Variants in ZNF385D observed in about 807,000 individuals in gnomAD.
ZNF385D encodes zinc finger protein 659.
Under a neutral mutation model 35.8 loss-of-function variants are expected in ZNF385D, and 15 were observed. That is an observed-to-expected ratio of 0.42 (90% CI 0.28 to 0.64). ZNF385D has a LOEUF of 0.64. Among genes scored for constraint, ZNF385D ranks in the 30% least tolerant of loss-of-function variants. ZNF385D has a pLI of 0.23. For synonymous variants in ZNF385D, 212 were observed against 186.8 expected (o/e 1.13, Z -1.10); for missense variants, 474 against 494.6 (o/e 0.96, Z 0.39).
At chr3:22,247,931 G>A (rs1398202691) in intron 2 of ZNF385D, among the ~76,000 whole-genome samples, 1 of 152,036 alleles carries the variant, frequency 6.6e-6, no homozygotes, top group East Asian at 1.9e-4. Context: ...AGTTTGCAAG[G>A]CAGATTTCCA....
At chr3:21,435,783 T>C (rs1457666871) in intron 5 of ZNF385D, among the ~76,000 whole-genome samples, 3 of 152,208 alleles carry the variant, frequency 2.0e-5, no homozygotes, top group African/African-American at 7.2e-5. Flanking sequence ...CTGCAAGGTA[T>C]AGATTCTACC....
intron 3 of ZNF385D, among the ~76,000 whole-genome samples, chr3:21,831,074 A>G (rs1268766502): frequency 6.6e-6 from 1 of 152,202 alleles, no homozygotes; most frequent in Non-Finnish European, 1.5e-5. Flanking sequence ...TAAGCATGAG[A>G]GGAAATGTTT....
At chr3:21,945,144 G>GTATGTATATA (rs1491234736) in intron 3 of ZNF385D, among the ~76,000 whole-genome samples, 1 of 150,396 alleles carries the variant, frequency 6.6e-6, no homozygotes. Context: ...ATATGTATAT[G>GTATGTATATA]CATATATATA....
intron 1 of ZNF385D, among the ~76,000 whole-genome samples, chr3:21,681,238 A>G (rs1247567832): frequency 7.7e-6 from 1 of 130,260 alleles, no homozygotes; most frequent in African/African-American, 2.7e-5. Context: ...GACAAAAAAA[A>G]TTATTTTTAT....
intron 2 of ZNF385D, among the ~76,000 whole-genome samples, chr3:22,221,106 G>A (rs757822853): frequency 1.3e-5 from 2 of 151,956 alleles, no homozygotes; most frequent in Non-Finnish European, 2.9e-5. Context: ...AGTTGGCAGT[G>A]ATGTATGTGT....
chr3:22,197,520 A>G (rs976354695), intron 2 of ZNF385D, among the ~76,000 whole-genome samples: 3 of 152,072 alleles, frequency 2.0e-5, no homozygotes, highest in Non-Finnish European at 4.4e-5. Flanking sequence ...ATGCTTATAC[A>G]ATTTATAAAC....
chr3:21,833,107 C>A (rs368669905), intron 3 of ZNF385D, among the ~76,000 whole-genome samples: 1 of 152,056 alleles, frequency 6.6e-6, no homozygotes. Flanking sequence ...TATTGAGTAC[C>A]TACTGTACCA....
At chr3:22,091,637 G>C (rs1701336702) in intron 3 of ZNF385D, among the ~76,000 whole-genome samples, 1 of 152,036 alleles carries the variant, frequency 6.6e-6, no homozygotes, top group South Asian at 2.1e-4. Flanking sequence ...GACATAAATG[G>C]AAACAGCTTC....
intron 3 of ZNF385D, among the ~76,000 whole-genome samples, chr3:21,888,193 C>G (rs1250809748): frequency 6.6e-6 from 1 of 151,874 alleles, no homozygotes; most frequent in Non-Finnish European, 1.5e-5. Context: ...AATTGTATTG[C>G]TTCAAAAATG....
At chr3:21,722,761 T>C (rs1016920108) in intron 1 of ZNF385D, among the ~76,000 whole-genome samples, 2 of 152,218 alleles carry the variant, frequency 1.3e-5, no homozygotes, top group African/African-American at 4.8e-5. Flanking sequence ...TTTTGAAGCC[T>C]GCTGGCACCA....
chr3:22,184,850 T>C (rs527646740), intron 2 of ZNF385D, among the ~76,000 whole-genome samples: 53 of 152,258 alleles, frequency 3.5e-4, no homozygotes, highest in Non-Finnish European at 5.9e-4. Flanking sequence ...TGCCATGAAC[T>C]TCCTTCACAT....
chr3:22,048,210 T>G (rs916317670), intron 3 of ZNF385D, among the ~76,000 whole-genome samples: 7 of 152,158 alleles, frequency 4.6e-5, no homozygotes, highest in Non-Finnish European at 1.0e-4. Flanking sequence ...CTCTATTTGT[T>G]GTTTCCTTTC....
chr3:22,367,951 G>A (rs1011983923), intron 2 of ZNF385D, among the ~76,000 whole-genome samples: 2 of 152,134 alleles, frequency 1.3e-5, no homozygotes, highest in African/African-American at 2.4e-5. Flanking sequence ...GTCTAATGAC[G>A]AATCAAGGCG....
chr3:21,847,471 T>G (rs1467200448), intron 3 of ZNF385D, among the ~76,000 whole-genome samples: 1 of 152,096 alleles, frequency 6.6e-6, no homozygotes, highest in Non-Finnish European at 1.5e-5. Context: ...AGCAAAATAT[T>G]CTAATGATCC....
At chr3:22,212,471 G>T (rs895704543) in intron 2 of ZNF385D, among the ~76,000 whole-genome samples, 2 of 152,010 alleles carry the variant, frequency 1.3e-5, no homozygotes, top group East Asian at 1.9e-4. Context: ...GTAATACATT[G>T]TTGACCTTTT....
At chr3:21,862,362 A>G (rs142343950) in intron 3 of ZNF385D, among the ~76,000 whole-genome samples, 1 of 151,926 alleles carries the variant, frequency 6.6e-6, no homozygotes, top group Non-Finnish European at 1.5e-5. Context: ...GAAACTGAGA[A>G]CATACTCAAA....
intron 4 of ZNF385D, among the ~76,000 whole-genome samples, chr3:21,500,913 G>A (rs1706310685): frequency 6.6e-6 from 1 of 152,136 alleles, no homozygotes; most frequent in South Asian, 2.1e-4. Flanking sequence ...TTAGAAACTG[G>A]GTCCACCCAA....
At chr3:22,142,330 T>A (rs1268195174) in intron 3 of ZNF385D, among the ~76,000 whole-genome samples, 1 of 152,188 alleles carries the variant, frequency 6.6e-6, no homozygotes, top group Admixed American at 6.5e-5. Flanking sequence ...ATTCAACAAT[T>A]GTTATTTCTT....
At chr3:22,003,497 G>A (rs1559839257) in intron 3 of ZNF385D, among the ~76,000 whole-genome samples, 1 of 152,120 alleles carries the variant, frequency 6.6e-6, no homozygotes, top group African/African-American at 2.4e-5. Context: ...AAAGACCATA[G>A]TACCAAAGGT....
Sources: allele counts gnomAD v4.1 joint callset (sites outside exome capture counted in the v4.1 genomes callset), GRCh38; gene constraint gnomAD v4.1.1; transcripts MANE v1.5; gene names NCBI Gene and HGNC (gene_info 2026-07-23, HGNC 2026-07-21).